The following IGF2R variants were observed in gnomAD, a reference collection of about 807,000 sequenced individuals.
IGF2R encodes cation-independent mannose-6-phosphate receptor.
Under a neutral mutation model 270.6 loss-of-function variants are expected in IGF2R, and 91 were observed. That is an observed-to-expected ratio of 0.34 (90% CI 0.28 to 0.40). The LOEUF is 0.40. Among genes scored for constraint, IGF2R ranks in the 10% least tolerant of loss-of-function variants. The pLI, the probability that IGF2R is intolerant of heterozygous loss-of-function variation, is 1.00. For missense variants in IGF2R, 2,805 were observed against 3,188.3 expected (o/e 0.88, Z 2.90); for synonymous variants, 1,316 against 1,258.9 (o/e 1.05, Z -0.96).
intron 22 of IGF2R, among the ~76,000 whole-genome samples, chr6:160,059,706 C>A (rs1224070517): frequency 6.6e-6 from 1 of 152,202 alleles, no homozygotes; most frequent in African/African-American, 2.4e-5. Context: ...CCCGTGGGGG[C>A]TCTCTGAGAT....
At chr6:160,085,951 T>C (rs1413541154) in intron 41 of IGF2R, among the ~76,000 whole-genome samples, 1 of 152,258 alleles carries the variant, frequency 6.6e-6, no homozygotes, top group Non-Finnish European at 1.5e-5. Context: ...CAGTTATTGC[T>C]GCCACTCCCA....
chr6:160,100,824 T>A, intron 45 of IGF2R, among the ~76,000 whole-genome samples: 2 of 113,170 alleles, frequency 1.8e-5, no homozygotes. Context: ...AGAGACTTGC[T>A]CTTTTGCCCA....
In IGF2R at chr6:159,969,308, G is replaced by C; in HGVS notation, c.62G>C (p.Arg21Pro). The change falls in exon 1 of 48, where the codon CGC becomes CCC. Residue 21 changes from arginine (R) to proline (P), a missense_variant. Arg to Pro is a moderately radical substitution (Grantham distance 103, BLOSUM62 -2). Coordinates refer to ENST00000356956, the MANE Select transcript of IGF2R (RefSeq NM_000876.4). ...CCCGCGCCCGCCCGCCGCCCGCAGC[G>C]CTCTCTGCTCCTGCTGCAGCTGCTG... The part of the protein sequence containing the change: ...LGPAPARRPQ[R>P]SLLLLQLLLL... The C allele has an allele frequency of 7.9e-7, 1 of 1,270,018 alleles. No individual in the cohort carries two copies. The highest frequency in any genetic ancestry group is 1.0e-6 in the Non-Finnish European group (1 of 1,004,502). 78.7% of individuals were successfully genotyped at this position (1,270,018 alleles called of 1,614,324 possible).
intron 2 of IGF2R, among the ~76,000 whole-genome samples, chr6:159,999,662 G>A (rs1308485550): frequency 1.3e-5 from 2 of 152,208 alleles, no homozygotes; most frequent in South Asian, 2.1e-4. Flanking sequence ...CAGAGGAACA[G>A]AAGAGCTAGC....
chr6:160,094,704 C>T (rs1779309323), intron 44 of IGF2R: 1 of 152,278 alleles, frequency 6.6e-6, no homozygotes, highest in South Asian at 2.1e-4. Flanking sequence ...CGAGACCATC[C>T]TGGCTAACAC....
At chr6:160,071,881 C>T (rs753694433) in intron 31 of IGF2R, 29 bp from the exon 32 acceptor site, 6 of 1,613,840 alleles carry the variant, frequency 3.7e-6, no homozygotes, top group Non-Finnish European at 5.1e-6. Context: ...TGCGTGATCC[C>T]TTCAGGACCT....
intron 29 of IGF2R, among the ~76,000 whole-genome samples, chr6:160,065,346 C>T (rs1778545424): frequency 6.6e-6 from 1 of 152,106 alleles, no homozygotes; most frequent in Admixed American, 6.5e-5. Context: ...GGAGGGATGC[C>T]CTGTGTTCTG....
chr6:160,078,171 T>G (rs1778894835), intron 36 of IGF2R, 30 bp from the exon 37 acceptor site: 3 of 1,610,894 alleles, frequency 1.9e-6, no homozygotes, highest in Non-Finnish European at 2.5e-6. Context: ...GCCATGGGGT[T>G]TTTAAGACCC....
At chr6:160,087,733 C>T (rs1779125448) in intron 41 of IGF2R, among the ~76,000 whole-genome samples, 2 of 152,098 alleles carry the variant, frequency 1.3e-5, no homozygotes, top group Admixed American at 6.5e-5. Context: ...GCAATGGCGC[C>T]ATCTCGATCT....
At chr6:159,986,692 A>G (rs1390656534) in intron 1 of IGF2R, among the ~76,000 whole-genome samples, 1 of 151,402 alleles carries the variant, frequency 6.6e-6, no homozygotes, top group Non-Finnish European at 1.5e-5. Flanking sequence ...AACATTTAAC[A>G]TCTTACTGTT....
intron 6 of IGF2R, 123 bp from the exon 7 acceptor site, chr6:160,029,427 T>C: frequency 1.7e-6 from 1 of 595,686 alleles, no homozygotes; most frequent in Non-Finnish European, 3.0e-6. Flanking sequence ...TTTTATATTT[T>C]AATATTTCTT....
Position 159,993,483 on chromosome 6 carries a change from C to T in IGF2R, c.289+2160C>T, listed in dbSNP as rs369799263. Among the ~76,000 whole-genome samples, 8 of 152,240 alleles carry T rather than the reference C, an allele frequency of 5.3e-5. No individual in the cohort carries two copies. In the East Asian group the frequency reaches 5.8e-4, roughly 11 times the overall value. ...CCGTTTATTGAATAGGGTGTCCCTTCGCCAGTGTTATGTTTTTGTCAACTT... is the reference window on the plus strand; with the variant it reads ...CCGTTTATTGAATAGGGTGTCCCTTTGCCAGTGTTATGTTTTTGTCAACTT... On this transcript the variant is annotated intron_variant, in intron 2 of 47. Coordinates refer to ENST00000356956, the MANE Select transcript of IGF2R (RefSeq NM_000876.4).
chr6:159,973,852 G>A (rs1300727469), intron 1 of IGF2R, among the ~76,000 whole-genome samples: 5 of 152,174 alleles, frequency 3.3e-5, no homozygotes, highest in African/African-American at 1.2e-4. Flanking sequence ...TTTGATCTTG[G>A]TATATAAACT....
intron 27 of IGF2R, 101 bp from the exon 28 acceptor site, chr6:160,064,300 G>A: frequency 7.5e-7 from 1 of 1,330,844 alleles, no homozygotes; most frequent in Non-Finnish European, 1.1e-6. Flanking sequence ...GGGATACTTT[G>A]TCTCACACTC....
intron 37 of IGF2R, among the ~76,000 whole-genome samples, chr6:160,079,005 C>T (rs1014491901): frequency 8.5e-5 from 13 of 152,184 alleles, no homozygotes; most frequent in East Asian, 1.9e-4. Context: ...GACTGGGGTA[C>T]GGAACCCCAG....
intron 19 of IGF2R, among the ~76,000 whole-genome samples, chr6:160,054,225 C>T (rs1301180900): frequency 6.6e-6 from 1 of 152,206 alleles, no homozygotes; most frequent in Non-Finnish European, 1.5e-5. Flanking sequence ...CAGCAGGTTA[C>T]AGGAGCAGCT....
chr6:160,042,522 G>A (rs957028579), intron 11 of IGF2R, among the ~76,000 whole-genome samples: 1 of 152,196 alleles, frequency 6.6e-6, no homozygotes, highest in Non-Finnish European at 1.5e-5. Context: ...CTTGCTTGCT[G>A]TGCTGGTGAC....
At chr6:160,032,452 C>T in intron 7 of IGF2R, 99 bp from the exon 8 acceptor site, 2 of 1,091,212 alleles carry the variant, frequency 1.8e-6, no homozygotes, top group African/African-American at 1.6e-5. Flanking sequence ...AATGTAGAAA[C>T]CTAACAACCT....
rs530051246 is a variant in IGF2R at position 160,057,226 on chromosome 6, C to T, written c.2796+701C>T. On this transcript the variant is annotated intron_variant, in intron 20 of 47. Transcript: ENST00000356956. The stretch of plus-strand genomic sequence containing the variant: ...AGTGCCTACTGGCTCCTCCCGCCTT[C>T]TGCCCGGGTCCATGCCCTCCACTTG... 2.0e-5 allele frequency among the ~76,000 whole-genome samples: 3 copies of T among 152,362 alleles called. 1 individual carries two copies. In the South Asian group the frequency reaches 6.2e-4, roughly 32 times the overall value.
Sources: gnomAD v4.1 joint callset for allele counts (sites outside exome capture counted in the v4.1 genomes callset) on GRCh38, gnomAD v4.1.1 for gene constraint, MANE v1.5 for transcripts, NCBI Gene and HGNC (gene_info 2026-07-23, HGNC 2026-07-21) for gene names.